DYNC1LI1: variants seen among roughly 807,000 people sequenced by gnomAD.
DYNC1LI1 encodes dynein cytoplasmic 1 light intermediate chain 1.
A neutral mutation model predicts 63.8 loss-of-function variants in DYNC1LI1; 19 were observed. The ratio of observed to expected loss-of-function variants is 0.30; its 90% confidence interval spans 0.21 to 0.44. The LOEUF (loss-of-function observed/expected upper bound fraction) is 0.44, where lower values mean the gene tolerates loss of function less well. DYNC1LI1 is among the 20% of genes least tolerant of loss of function. The pLI, the probability that DYNC1LI1 is intolerant of heterozygous loss-of-function variation, is 1.00. For synonymous variants in DYNC1LI1, 225 were observed against 232.3 expected, an observed-to-expected ratio of 0.97 and a Z score of 0.28; for missense variants, 565 against 630.2, an observed-to-expected ratio of 0.90 and a Z score of 1.11.
chr3:32,570,178 G>A (rs757888683), intron 2 of DYNC1LI1, 168 bp downstream of exon 2: 19 of 718,140 alleles, frequency 2.6e-5, no homozygotes, highest in South Asian at 1.5e-5. Context: ...CTGGGTCAAG[G>A]GTCTCGTGTT....
intron 2 of DYNC1LI1, among the ~76,000 whole-genome samples, chr3:32,553,428 A>T (rs115332323): frequency 0.014 from 2,130 of 152,252 alleles, 45 homozygotes; most frequent in African/African-American, 0.049. Flanking sequence ...CAAATCCCTA[A>T]ATGCAGGATA....
At chr3:32,537,216 T>C (rs566992663) in intron 5 of DYNC1LI1, 112 bp from the exon 6 acceptor site, 1 of 550,966 alleles carries the variant, frequency 1.8e-6, no homozygotes, top group East Asian at 3.4e-5. Context: ...ACCACTCTGA[T>C]ATGGTGAATG....
rs1697611339 is a variant in DYNC1LI1 at position 32,526,053 on chromosome 3, A to G, written c.*746T>C. 1 of 150,968 alleles carries G rather than the reference A, an allele frequency of 6.6e-6. No homozygotes were observed. The highest frequency in any genetic ancestry group is 6.6e-5 in the Admixed American group (1 of 15,148). The allele number at this position is 150,968 out of a possible 1,614,324, so 9.4% of individuals were successfully genotyped here. A position where few individuals can be genotyped will look rare whatever the true frequency, so the allele number is the denominator to read the frequency against. On this transcript the variant is annotated 3_prime_UTR_variant, in exon 13 of 13. Transcript: ENST00000273130. Reference sequence around the variant, plus strand: ...CACAAACAAAAAAGGGGGTATATTAAGGCAAAGCCATATATATATATATAT... The same window carrying G: ...CACAAACAAAAAAGGGGGTATATTAGGGCAAAGCCATATATATATATATAT...
chr3:32,526,707 A>G lies in DYNC1LI1; in HGVS notation c.*92T>C. On this transcript the variant is annotated 3_prime_UTR_variant, in exon 13 of 13. Coordinates refer to ENST00000273130, the MANE Select transcript of DYNC1LI1 (RefSeq NM_016141.4). ...ATAAATTTAGTCCATCTGAAGAAGC[A>G]CTCCAGCTTTCTAATTCCACTTTTG... 1.1e-6 allele frequency: 1 copy of G among 908,946 alleles called. No individual in the cohort carries two copies. 56.3% of individuals were successfully genotyped at this position (908,946 alleles called of 1,614,324 possible).
intron 11 of DYNC1LI1, among the ~76,000 whole-genome samples, chr3:32,528,920 C>G (rs1233863759): frequency 6.6e-6 from 1 of 152,044 alleles, no homozygotes; most frequent in Non-Finnish European, 1.5e-5. Context: ...GAAACTGCCT[C>G]AAGTATTAGG....
rs777207122 is a variant in DYNC1LI1, at chr3:32,532,964, GATT to G, written c.1080+19_1080+21del. 7.9e-5 allele frequency: 123 copies of G among 1,556,124 alleles called. No individual in the cohort carries two copies. In the African/African-American group the frequency reaches 1.4e-3, roughly 18 times the overall value. On this transcript the variant is annotated intron_variant, in intron 8 of 12. Transcript: ENST00000273130. ...GGTTAGTCTAAAGTCTAAATATTGA[GATT>G]ATTTACTAAAATGGTTACCTTTCGA... is the stretch of plus-strand genomic sequence containing the variant.
Position 32,530,446 on chromosome 3 carries a change from G to C in DYNC1LI1, c.1140+15C>G. On this transcript the variant is annotated intron_variant, in intron 9 of 12. Transcript: ENST00000273130. ...CATTAACCATACTAAGTCTGCTTCT[G>C]ATATAATTTCATACCTGTAGCTTCA... is the stretch of plus-strand genomic sequence containing the variant. 6.2e-7 allele frequency: 1 copy of C among 1,612,230 alleles called. No individual in the cohort carries two copies. Among genetic ancestry groups the C allele is most frequent in the East Asian group, 2.2e-5 (1 of 44,810 alleles).
rs151283691 is a variant in DYNC1LI1, at chr3:32,528,398, C to T, written c.1462+48G>A. ...TACATGAGTGAACTTCATTATATCT[C>T]AAAAAAGCTGTTATTTTAAACAAGT... On this transcript the variant is annotated intron_variant, in intron 12 of 12. Coordinates refer to ENST00000273130, the MANE Select transcript of DYNC1LI1 (RefSeq NM_016141.4). 2.1e-3 allele frequency: 3,351 copies of T among 1,607,272 alleles called. 44 individuals are homozygous for T. The East Asian group carries it at 0.027, about 13-fold the overall frequency.
chr3:32,537,744 CG>C (rs1697793837), intron 5 of DYNC1LI1, among the ~76,000 whole-genome samples: 1 of 148,168 alleles, frequency 6.7e-6, no homozygotes, highest in East Asian at 2.0e-4. Flanking sequence ...TCAAACATCA[CG>C]ACATCCAAAT....
chr3:32,556,358 T>A (rs1472399399), intron 2 of DYNC1LI1, among the ~76,000 whole-genome samples: 1 of 152,210 alleles, frequency 6.6e-6, no homozygotes, highest in Non-Finnish European at 1.5e-5. Context: ...CAGCAGTCTA[T>A]AAGTGTGTCA....
In DYNC1LI1 at chr3:32,545,575, T is replaced by C. The variant is rs545592430; in HGVS notation, c.337+274A>G. On this transcript the variant is annotated intron_variant, in intron 3 of 12. Transcript: ENST00000273130. ...ATGGGAGTCAACAAAACAATCACTA[T>C]CTGAGGGAAGATGAACTGAAAAACT... is the stretch of plus-strand genomic sequence containing the variant. The C allele has an allele frequency of 1.4e-5, 6 of 416,418 alleles. No homozygotes were observed. The East Asian group carries it at 3.1e-4, about 21-fold the overall frequency. 25.8% of individuals were successfully genotyped at this position (416,418 alleles called of 1,614,324 possible).
chr3:32,560,484 T>TA (rs373618659), intron 2 of DYNC1LI1, among the ~76,000 whole-genome samples: 23 of 152,106 alleles, frequency 1.5e-4, no homozygotes, highest in Non-Finnish European at 2.8e-4. Flanking sequence ...ACCTAGGGCT[T>TA]AAAACCCTTT....
At chr3:32,528,714 T>C in intron 11 of DYNC1LI1, 113 bp from the exon 12 acceptor site, 1 of 1,064,860 alleles carries the variant, frequency 9.4e-7, no homozygotes, top group Non-Finnish European at 1.3e-6. Context: ...TTAAGAGTTT[T>C]ATATTCCAAA....
intron 2 of DYNC1LI1, among the ~76,000 whole-genome samples, chr3:32,550,295 G>A (rs1575155815): frequency 1.3e-5 from 2 of 152,170 alleles, no homozygotes. Context: ...GCCAGGTGTG[G>A]TGGTGCATGA....
intron 5 of DYNC1LI1, among the ~76,000 whole-genome samples, chr3:32,540,456 G>A (rs1362429877): frequency 2.0e-5 from 3 of 151,770 alleles, no homozygotes; most frequent in Admixed American, 2.0e-4. Flanking sequence ...AAGGCGGGTG[G>A]GTCACCTGAG....
At chr3:32,555,456 G>A (rs772760317) in intron 2 of DYNC1LI1, among the ~76,000 whole-genome samples, 6 of 152,196 alleles carry the variant, frequency 3.9e-5, no homozygotes, top group African/African-American at 7.2e-5. Context: ...CTGATCTGAG[G>A]TATCTGCAAA....
intron 11 of DYNC1LI1, among the ~76,000 whole-genome samples, chr3:32,529,229 T>C (rs2125428618): frequency 6.6e-6 from 1 of 152,328 alleles, no homozygotes; most frequent in South Asian, 2.1e-4. Context: ...GAAATAACTA[T>C]TATGCATATA....
At chr3:32,537,938 AT>A (rs1559436186) in intron 5 of DYNC1LI1, among the ~76,000 whole-genome samples, 3 of 10,288 alleles carry the variant, frequency 2.9e-4, no homozygotes, top group African/African-American at 1.3e-3. Flanking sequence ...TATATATATA[AT>A]ATATATATAA....
chr3:32,544,103 G>A (rs1697919476), intron 4 of DYNC1LI1, among the ~76,000 whole-genome samples: 1 of 151,950 alleles, frequency 6.6e-6, no homozygotes, highest in African/African-American at 2.4e-5. Flanking sequence ...CTTACAACCT[G>A]TTAGAAATGA....
Sources: gnomAD v4.1 joint callset for allele counts (sites outside exome capture counted in the v4.1 genomes callset) on GRCh38, gnomAD v4.1.1 for gene constraint, MANE v1.5 for transcripts, NCBI Gene and HGNC (gene_info 2026-07-23, HGNC 2026-07-21) for gene names.